The following DIP2C variants were observed in gnomAD, a reference collection of about 807,000 sequenced individuals.
The protein encoded by DIP2C is DIP2 acetate--CoA ligase C (putative).
DIP2C carries 33 observed loss-of-function variants against 192.4 expected under a neutral mutation model. The observed-to-expected ratio is 0.17, with a 90% CI of 0.13 to 0.23. DIP2C has a LOEUF of 0.23. Among genes scored for constraint, DIP2C ranks in the 10% least tolerant of loss-of-function variants. The pLI is 1.00. For synonymous variants in DIP2C, 979 were observed against 864.1 expected, an observed-to-expected ratio of 1.13 and a Z score of -2.33; for missense variants, 1,537 against 2,110.1, an observed-to-expected ratio of 0.73 and a Z score of 5.32.
intron 1 of DIP2C, among the ~76,000 whole-genome samples, chr10:649,711 A>T (rs1486671948): frequency 6.6e-6 from 1 of 152,234 alleles, no homozygotes; most frequent in East Asian, 1.9e-4. Context: ...AAATGTGTTC[A>T]GAGTGCTATA....
chr10:365,056 C>T lies in DIP2C; in HGVS notation c.2269-474G>A, dbSNP rs766341397. ...AAAATATTAAGGAAGCAAATCAGAT[C>T]AGTTCAAACTCTAACCCTCTTTTTT... On this transcript the variant is annotated intron_variant, in intron 19 of 36. Coordinates refer to ENST00000280886, the MANE Select transcript of DIP2C (RefSeq NM_014974.3). 9.5e-6 allele frequency: 5 copies of T among 524,548 alleles called. No individual in the cohort carries two copies. In the East Asian group the frequency reaches 2.7e-4, roughly 29 times the overall value. 32.5% of individuals were successfully genotyped at this position (524,548 alleles called of 1,614,324 possible).
chr10:304,757 A>ACACT (rs55948939), intron 32 of DIP2C, among the ~76,000 whole-genome samples: 105,568 of 151,820 alleles, frequency 0.7, 37,206 homozygotes, highest in Middle Eastern at 0.76. Flanking sequence ...CACACATAAA[A>ACACT]CAGTACACTA....
intron 4 of DIP2C, among the ~76,000 whole-genome samples, chr10:434,776 A>T (rs1053954450): frequency 2.0e-5 from 3 of 152,090 alleles, no homozygotes; most frequent in African/African-American, 7.2e-5. Context: ...TTTTCCTCTC[A>T]ATAGTTTAAA....
At chr10:619,027 C>T (rs554885078) in intron 1 of DIP2C, among the ~76,000 whole-genome samples, 5 of 152,370 alleles carry the variant, frequency 3.3e-5, no homozygotes, top group African/African-American at 1.2e-4. Context: ...GCCTGCTTCC[C>T]ATAAGAAATA....
At chr10:589,521 C>A (rs1851280487) in intron 1 of DIP2C, among the ~76,000 whole-genome samples, 1 of 152,182 alleles carries the variant, frequency 6.6e-6, no homozygotes. Flanking sequence ...TCCTTGTTTT[C>A]ACTCTTTTGC....
At chr10:535,943 C>T (rs768476595) in intron 1 of DIP2C, among the ~76,000 whole-genome samples, 15 of 152,250 alleles carry the variant, frequency 9.9e-5, no homozygotes, top group Non-Finnish European at 2.1e-4. Context: ...TCCCATTGCT[C>T]CCGTAAGCTT....
chr10:515,013 C>G (rs1168712887), intron 1 of DIP2C, among the ~76,000 whole-genome samples: 1 of 152,158 alleles, frequency 6.6e-6, no homozygotes, highest in Non-Finnish European at 1.5e-5. Context: ...TCAGCTCCCA[C>G]CTGGTGAGCA....
At chr10:579,732 C>T (rs1001891015) in intron 1 of DIP2C, among the ~76,000 whole-genome samples, 2 of 151,984 alleles carry the variant, frequency 1.3e-5, no homozygotes, top group Non-Finnish European at 2.9e-5. Context: ...ATCAATACAG[C>T]ATACATAGGT....
chr10:553,848 G>A (rs1483456520), intron 1 of DIP2C, among the ~76,000 whole-genome samples: 4 of 151,916 alleles, frequency 2.6e-5, no homozygotes, highest in African/African-American at 7.3e-5. Flanking sequence ...AGGAAAAAAC[G>A]TATACGCTTG....
intron 1 of DIP2C, among the ~76,000 whole-genome samples, chr10:548,392 G>A (rs1051255472): frequency 1.4e-5 from 2 of 143,858 alleles, no homozygotes; most frequent in South Asian, 2.5e-4. Flanking sequence ...AAAGAGCATC[G>A]AACAGCCCCT....
chr10:557,391 G>A (rs1018096015), intron 1 of DIP2C, among the ~76,000 whole-genome samples: 8 of 151,926 alleles, frequency 5.3e-5, no homozygotes, highest in South Asian at 2.1e-4. Flanking sequence ...ACAGTCATAC[G>A]TGTGTGTTGC....
At chr10:427,704 C>T (rs968442099) in intron 4 of DIP2C, among the ~76,000 whole-genome samples, 4 of 152,184 alleles carry the variant, frequency 2.6e-5, no homozygotes, top group Non-Finnish European at 4.4e-5. Context: ...AGTAAATACA[C>T]AATGATATAC....
intron 1 of DIP2C, among the ~76,000 whole-genome samples, chr10:508,113 G>A (rs765168503): frequency 2.1e-5 from 3 of 143,816 alleles, no homozygotes; most frequent in African/African-American, 4.8e-5. Flanking sequence ...TTCCCCCAAC[G>A]CCTTCCTCCC....
chr10:358,334 T>C (rs1349169138), intron 22 of DIP2C, among the ~76,000 whole-genome samples: 1 of 151,154 alleles, frequency 6.6e-6, no homozygotes, highest in Non-Finnish European at 1.5e-5. Flanking sequence ...TCGAGTTCTC[T>C]GGGGTCCACA....
chr10:311,021 A>G (rs1228627477), intron 31 of DIP2C, among the ~76,000 whole-genome samples: 2 of 152,074 alleles, frequency 1.3e-5, no homozygotes, highest in Non-Finnish European at 2.9e-5. Context: ...TTGCTTATAT[A>G]TAAGAAAAAA....
rs1041268778 is a variant in DIP2C at position 425,575 on chromosome 10, C to T, written c.395-2542G>A. 8.5e-4 allele frequency among the ~76,000 whole-genome samples: 108 copies of T among 127,642 alleles called. 1 individual carries two copies. The highest frequency in any genetic ancestry group is 1.3e-3 in the Non-Finnish European group (76 of 57,082). 83.7% of individuals were successfully genotyped at this position (127,642 alleles called of 152,430 possible). On this transcript the variant is annotated intron_variant, in intron 4 of 36. Coordinates refer to ENST00000280886, the MANE Select transcript of DIP2C (RefSeq NM_014974.3). ...GACACGGATGATACAGCATGACCAG[C>T]AGTGACTAATATGAAATGGATGCAG...
chr10:475,910 T>C (rs556532966), intron 2 of DIP2C, among the ~76,000 whole-genome samples: 1 of 152,304 alleles, frequency 6.6e-6, no homozygotes, highest in African/African-American at 2.4e-5. Flanking sequence ...AAACCAAGCA[T>C]GGCTGCTGGA....
intron 10 of DIP2C, among the ~76,000 whole-genome samples, chr10:393,985 T>G (rs2132977323): frequency 6.6e-6 from 1 of 152,282 alleles, no homozygotes; most frequent in Non-Finnish European, 1.5e-5. Context: ...GCACAGCCAT[T>G]ATGGAAAATG....
At chr10:563,911 C>T (rs572260744) in intron 1 of DIP2C, among the ~76,000 whole-genome samples, 171 of 152,270 alleles carry the variant, frequency 1.1e-3, no homozygotes, top group African/African-American at 4.0e-3. Flanking sequence ...TCAAAAATCC[C>T]AACACTGCTG....
Sources: gnomAD v4.1 joint callset for allele counts (sites outside exome capture counted in the v4.1 genomes callset) on GRCh38, gnomAD v4.1.1 for gene constraint, MANE v1.5 for transcripts, NCBI Gene and HGNC (gene_info 2026-07-23, HGNC 2026-07-21) for gene names.